Variants in PTGES2 observed in about 807,000 individuals in gnomAD.
The protein encoded by PTGES2 is GATE-binding factor 1.
PTGES2 carries 35 observed loss-of-function variants against 44.5 expected under a neutral mutation model. The ratio of observed to expected loss-of-function variants is 0.79; its 90% CI spans 0.60 to 1.04. The LOEUF is 1.04. Ranked by LOEUF, PTGES2 falls within the 50% of genes least tolerant of loss-of-function variation. PTGES2 has a pLI of 0.00. For missense variants in PTGES2, 517 were observed against 521.4 expected (o/e 0.99, Z 0.08); for synonymous variants, 221 against 227.5 (o/e 0.97, Z 0.26).
chr9:128,121,698 C>T (rs773667893), intron 6 of PTGES2, among the ~76,000 whole-genome samples: 4 of 152,242 alleles, frequency 2.6e-5, no homozygotes, highest in Non-Finnish European at 4.4e-5. Context: ...GGATCACCTG[C>T]GGTCAGGAGT....
intron 5 of PTGES2, 92 bp downstream of exon 5, chr9:128,122,842 C>T (rs928954548): frequency 1.4e-5 from 20 of 1,397,176 alleles, no homozygotes; most frequent in South Asian, 7.2e-5. Flanking sequence ...CTCGGCCTCC[C>T]GCTGGTCTCC....
Position 128,123,737 on chromosome 9 carries a change from C to G in PTGES2, c.651G>C (p.Glu217Asp), listed in dbSNP as rs777401889. ...CCTTCCCACCATACACTTGCTGGGC[C>G]TCCTTCTCGTTGAGCATGAGCCAGT... ...NKYWLMLNEK[E>D]AQQVYGGKEA... The change falls in exon 4 of 7, where the codon GAG becomes GAC. Residue 217 changes from glutamate (E) to aspartate (D), a missense_variant. Transcript: ENST00000338961. This position sits in a 1 kb window ranked among gnomAD's most constrained non-coding sequence, Gnocchi z 4.4. The G allele has an allele frequency of 1.9e-6, 3 of 1,614,124 alleles. No homozygotes were observed. Among genetic ancestry groups the G allele is most frequent in the Non-Finnish European group, 2.5e-6 (3 of 1,179,980 alleles).
chr9:128,127,663 C>A lies in PTGES2; in HGVS notation c.55G>T (p.Ala19Ser). ...RALWPGGCAL[A>S]WRLGGRPQPL... The stretch of plus-strand genomic sequence containing the variant: ...TGGGGGCGGCCTCCCAGCCTCCAGG[C>A]CAAGGCGCACCCACCAGGCCACAGC... Residue 19 changes from alanine (A) to serine (S), a missense_variant, in exon 1 of 7, where the codon GCC becomes TCC. By Grantham distance (99) the Ala-to-Ser change is moderately conservative. Coordinates refer to ENST00000338961, the MANE Select transcript of PTGES2 (RefSeq NM_025072.7). 7.7e-7 allele frequency: 1 copy of A among 1,298,766 alleles called. No individual in the cohort carries two copies. The highest frequency in any genetic ancestry group is 9.8e-7 in the Non-Finnish European group (1 of 1,023,530). 80.5% of individuals were successfully genotyped at this position (1,298,766 alleles called of 1,614,324 possible).
rs778990422 is a variant in PTGES2, at chr9:128,123,075, T to C, written c.746A>G (p.Asn249Ser). 1.8e-5 allele frequency: 29 copies of C among 1,612,214 alleles called. No individual in the cohort carries two copies. The highest frequency in any genetic ancestry group is 1.2e-4 in the South Asian group (11 of 91,044). ...AGCCTCGGTGGGCGTGCGGTACACA[T>C]TGGGGGAGATCAGGTGCACCAGCCA... ...DDWLVHLISP[N>S]VYRTPTEALA... Residue 249 changes from asparagine (N) to serine (S), a missense_variant, in exon 5 of 7, where the codon AAT becomes AGT. Physicochemically the swap from Asn to Ser is conservative, Grantham distance 46. Transcript: ENST00000338961. The surrounding 1 kb of genome is among the most constrained non-coding windows in gnomAD (Gnocchi z 4.4).
intron 1 of PTGES2, among the ~76,000 whole-genome samples, chr9:128,125,673 T>C (rs894540818): frequency 3.9e-5 from 6 of 152,112 alleles, no homozygotes; most frequent in African/African-American, 1.4e-4. Flanking sequence ...TGCGAGGTTG[T>C]GTAGGAGGAA....
At chr9:128,125,116 C>T (rs1366774249) in intron 2 of PTGES2, 128 bp downstream of exon 2, 2 of 879,400 alleles carry the variant, frequency 2.3e-6, no homozygotes, top group Non-Finnish European at 3.5e-6. Context: ...GCAGCTACTT[C>T]CCCCATAGTC....
intron 6 of PTGES2, among the ~76,000 whole-genome samples, chr9:128,121,862 A>G (rs7859008): frequency 0.94 from 143,521 of 151,982 alleles, 68,328 homozygotes; most frequent in East Asian, 1. Flanking sequence ...GCAGCGAGCC[A>G]AGACTGCACC....
upstream of PTGES2, chr9:128,128,280 T>C: frequency 4.4e-6 from 2 of 455,990 alleles, no homozygotes; most frequent in South Asian, 3.1e-5. Flanking sequence ...GTGTCTCTGA[T>C]TTCGCCCACG....
chr9:128,128,436 G>A, upstream of PTGES2: 1 of 444,102 alleles, frequency 2.3e-6, no homozygotes, highest in Non-Finnish European at 4.5e-6. Flanking sequence ...GGACAGCCCC[G>A]GGATGGCCCC....
intron 6 of PTGES2, 149 bp downstream of exon 6, chr9:128,122,213 A>G: frequency 2.9e-6 from 2 of 681,130 alleles, no homozygotes; most frequent in South Asian, 3.5e-5. Flanking sequence ...TCCTGGAGCC[A>G]CTTCGAGGCG....
chr9:128,123,508 C>A lies in PTGES2; in HGVS notation c.686+194G>T, dbSNP rs1330687941. 2.0e-5 allele frequency among the ~76,000 whole-genome samples: 3 copies of A among 152,052 alleles called. No individual in the cohort carries two copies. Among genetic ancestry groups the A allele is most frequent in the Non-Finnish European group, 4.4e-5 (3 of 67,994 alleles). On this transcript the variant is annotated intron_variant, in intron 4 of 6. Coordinates refer to ENST00000338961, the MANE Select transcript of PTGES2 (RefSeq NM_025072.7). This position sits in a 1 kb window ranked among gnomAD's most constrained non-coding sequence, Gnocchi z 4.4. The stretch of plus-strand genomic sequence containing the variant: ...TGATCTGCCTGCCTCGGCCTCCCAA[C>A]AGGCTGGGATTACAGGAGTGAGCCA...
Sources: allele counts gnomAD v4.1 joint callset (sites outside exome capture counted in the v4.1 genomes callset), GRCh38; gene constraint gnomAD v4.1.1; non-coding constraint Gnocchi (gnomAD v3.1); transcripts MANE v1.5; gene names NCBI Gene and HGNC (gene_info 2026-07-23, HGNC 2026-07-21).